RAD23A: variants seen among roughly 807,000 people sequenced by gnomAD.
RAD23A encodes the protein lysine-specific demethylase RAD23A.
RAD23A carries 16 observed loss-of-function variants against 44.8 expected under a neutral mutation model. The observed-to-expected ratio is 0.36, with a 90% confidence interval of 0.24 to 0.54. The LOEUF is 0.54. Ranked by LOEUF, RAD23A falls within the 20% of genes least tolerant of loss-of-function variation. The pLI is 0.89. For synonymous variants in RAD23A, 217 were observed against 202.9 expected (o/e 1.07, Z -0.59); for missense variants, 380 against 483.3 (o/e 0.79, Z 2.00).
chr19:12,952,143 G>A (rs1010538917), intron 7 of RAD23A, among the ~76,000 whole-genome samples: 2 of 152,090 alleles, frequency 1.3e-5, no homozygotes, highest in Non-Finnish European at 2.9e-5. Context: ...GGCTGGTCTC[G>A]AACTCCAGGC....
chr19:12,946,168 C>G, intron 1 of RAD23A, 148 bp downstream of exon 1: 1 of 765,536 alleles, frequency 1.3e-6, no homozygotes, highest in Non-Finnish European at 2.0e-6. Context: ...CTTTCCTGGA[C>G]CCCCCGATGG....
rs769666481 is a variant in RAD23A at position 12,952,977 on chromosome 19, C to G, written c.1020C>G (p.Ala340=). The change falls in exon 9 of 9, where the codon GCC becomes GCG. Residue 340 remains alanine (A), a synonymous_variant. Coordinates refer to ENST00000586534, the MANE Select transcript of RAD23A (RefSeq NM_005053.4). ...TCCCAGAGAGCCTGGTCATCCAGGC[C>G]TATTTCGCGTGTGAAAAAAATGAGA... ...LGFPESLVIQ[A]YFACEKNENL... 6.2e-7 allele frequency: 1 copy of G among 1,614,034 alleles called. No individual in the cohort carries two copies. Among genetic ancestry groups the G allele is most frequent in the South Asian group, 1.1e-5 (1 of 91,084 alleles).
chr19:12,947,636 C>T (rs1050808705), intron 1 of RAD23A, among the ~76,000 whole-genome samples: 2 of 152,154 alleles, frequency 1.3e-5, no homozygotes. Flanking sequence ...CAGCACCTGG[C>T]ACATAATGGG....
intron 1 of RAD23A, among the ~76,000 whole-genome samples, chr19:12,946,939 C>T (rs376644348): frequency 1.3e-5 from 2 of 152,150 alleles, no homozygotes; most frequent in Non-Finnish European, 2.9e-5. Flanking sequence ...TGCTGGCTTC[C>T]GCCTGTAATC....
In RAD23A at chr19:12,953,117, AAT is replaced by A. The variant is rs997952536; in HGVS notation, c.*79_*80del. 1.5e-5 allele frequency: 15 copies of A among 1,014,010 alleles called. No homozygotes were observed. The highest frequency in any genetic ancestry group is 5.4e-5 in the East Asian group (2 of 37,090). The allele number at this position is 1,014,010 out of a possible 1,614,324, so 62.8% of individuals were successfully genotyped here. The stretch of plus-strand genomic sequence containing the variant: ...TCCATGAAAGTTTTATAAAAGAAAA[AAT>A]ATATATATATTCATGTTTATTTAAG... On this transcript the variant is annotated 3_prime_UTR_variant, in exon 9 of 9. Transcript: ENST00000586534.
At chr19:12,950,762 T>C (rs975133004) in intron 7 of RAD23A, among the ~76,000 whole-genome samples, 6 of 152,174 alleles carry the variant, frequency 3.9e-5, no homozygotes, top group South Asian at 2.1e-4. Context: ...GGTAGAGTTA[T>C]ATCAGAGCTT....
chr19:12,952,782 G>C lies in RAD23A; in HGVS notation c.907G>C (p.Ala303Pro). The C allele has an allele frequency of 1.9e-6, 3 of 1,612,814 alleles. No individual in the cohort carries two copies. Among genetic ancestry groups the C allele is most frequent in the Non-Finnish European group, 2.5e-6 (3 of 1,179,568 alleles). ...CTCAGATGTGGAGGGGGAGGTGGGCGCCATAGGAGAGGAGGCCCCGCAGAT... is the reference window on the plus strand; with the variant it reads ...CTCAGATGTGGAGGGGGAGGTGGGCCCCATAGGAGAGGAGGCCCCGCAGAT... ...DISDVEGEVG[A>P]IGEEAPQMNY... Residue 303 changes from alanine to proline, a missense_variant, in exon 8 of 9, where the codon GCC becomes CCC. Coordinates refer to ENST00000586534, the MANE Select transcript of RAD23A (RefSeq NM_005053.4).
In RAD23A at chr19:12,948,231, C is replaced by G. The variant is rs1416940431; in HGVS notation, c.289C>G (p.Pro97Ala). 3 of 1,614,054 alleles carry G rather than the reference C, an allele frequency of 1.9e-6. No individual in the cohort carries two copies. Among genetic ancestry groups the G allele is most frequent in the Middle Eastern group, 1.6e-4 (1 of 6,062 alleles). The change falls in exon 3 of 9, where the codon CCA (proline) becomes GCA (alanine). Residue 97 changes from proline to alanine, a missense_variant. Physicochemically the swap from Pro to Ala is conservative, Grantham distance 27. This residue lies in a region of RAD23A where 279 missense variants were observed against 313.7 expected (regional missense o/e 0.89). Coordinates refer to ENST00000586534, the MANE Select transcript of RAD23A (RefSeq NM_005053.4). The surrounding 1 kb of genome is among the most constrained non-coding windows in gnomAD (Gnocchi z 5.5). ...APPEASPTAA[P>A]ESSTSFPPAP... ...CCCAGAGGCCTCACCCACAGCTGCC[C>G]CAGAGTCCTCTACATCCTTCCCGCC...
intron 7 of RAD23A, chr19:12,952,421 A>T (rs895374256): frequency 2.7e-6 from 1 of 373,466 alleles, no homozygotes; most frequent in Non-Finnish European, 4.9e-6. Flanking sequence ...CGAACTCCTG[A>T]CCTCAAGTGA....
chr19:12,952,900 C>T, intron 8 of RAD23A, 36 bp from the exon 9 acceptor site: 1 of 1,610,938 alleles, frequency 6.2e-7, no homozygotes. Flanking sequence ...AGGACCCCTA[C>T]CCTCTCCTGC....
intron 1 of RAD23A, among the ~76,000 whole-genome samples, 198 bp downstream of exon 1, chr19:12,946,218 C>G (rs1971669797): frequency 6.6e-6 from 1 of 152,214 alleles, no homozygotes. Flanking sequence ...GGCGCTCCTG[C>G]GCCGGTCTCC....
chr19:12,946,985 T>C (rs1971689087), intron 1 of RAD23A, among the ~76,000 whole-genome samples: 1 of 152,154 alleles, frequency 6.6e-6, no homozygotes, highest in Admixed American at 6.6e-5. Context: ...GAGGAGCCCT[T>C]GAGCCTAGGA....
At position 12,948,514 on chromosome 19, in the gene RAD23A, G is replaced by A. The variant is rs141369284; in HGVS notation, c.434G>A (p.Gly145Asp). Reference sequence around the variant, plus strand: ...ATTTGCAGCTCTGTTCCCTCTTCAGGTAGCAGCGGGCGAGAGGAAGACGCG... The same window carrying A: ...ATTTGCAGCTCTGTTCCCTCTTCAGATAGCAGCGGGCGAGAGGAAGACGCG... ...ESVSGSVPSS[G>D]SSGREEDAAS... Residue 145 changes from glycine (G) to aspartate (D), a missense_variant, in exon 4 of 9, where the codon GGT (glycine) becomes GAT (aspartate). Gly to Asp is a moderately conservative substitution (Grantham distance 94). Around this residue, in one of 3 missense-constraint regions of RAD23A, gnomAD observed 279 missense variants for 313.7 expected, o/e 0.89. Coordinates refer to ENST00000586534, the MANE Select transcript of RAD23A (RefSeq NM_005053.4). This position sits in a 1 kb window ranked among gnomAD's most constrained non-coding sequence, Gnocchi z 5.5. The A allele has an allele frequency of 8.6e-4, 1,366 of 1,594,574 alleles. 1 individual carries two copies. Among genetic ancestry groups the A allele is most frequent in the Admixed American group, 1.3e-3 (72 of 56,220 alleles).
At chr19:12,949,648 TTA>T (rs1971754527) in intron 7 of RAD23A, 2 of 561,684 alleles carry the variant, frequency 3.6e-6, no homozygotes, top group Admixed American at 6.2e-5. Context: ...CACCGGAAAC[TTA>T]GAGCAGCCTG....
chr19:12,949,970 C>T (rs968760594), intron 7 of RAD23A, among the ~76,000 whole-genome samples: 3 of 151,890 alleles, frequency 2.0e-5, no homozygotes, highest in Non-Finnish European at 4.4e-5. Flanking sequence ...GACCCTTCTC[C>T]TCTCACTTCT....
rs376187040 is a variant in RAD23A, at chr19:12,947,901, C to T, written c.126C>T (p.Pro42=). Residue 42 remains proline, a synonymous_variant, in exon 2 of 9, where the codon CCC becomes CCT. Coordinates refer to ENST00000586534, the MANE Select transcript of RAD23A (RefSeq NM_005053.4). ...IEAEKGRDAF[P]VAGQKLIYAG... Reference sequence around the variant, plus strand: ...CTGAGAAGGGTCGTGATGCCTTCCCCGTGGCTGGACAGAAACTCATCTATG... The same window carrying T: ...CTGAGAAGGGTCGTGATGCCTTCCCTGTGGCTGGACAGAAACTCATCTATG... The T allele has an allele frequency of 2.0e-5, 33 of 1,613,942 alleles. No homozygotes were observed. Among genetic ancestry groups the T allele is most frequent in the South Asian group, 5.5e-5 (5 of 91,078 alleles).
At chr19:12,946,140 G>C (rs1315557292) in intron 1 of RAD23A, 120 bp downstream of exon 1, 1 of 944,340 alleles carries the variant, frequency 1.1e-6, no homozygotes, top group Non-Finnish European at 1.5e-6. Flanking sequence ...GCCCTGCCCA[G>C]ACCCCCGACC....
At position 12,949,135 on chromosome 19, in the gene RAD23A, T is replaced by C. The variant is rs542397046; in HGVS notation, c.655T>C (p.Ser219Pro). 49 of 1,613,796 alleles carry C rather than the reference T, an allele frequency of 3.0e-5. No individual in the cohort carries two copies. The Admixed American group carries it at 7.8e-4, about 26-fold the overall frequency. Residue 219 changes from serine to proline, a missense_variant, in exon 6 of 9, where the codon TCG becomes CCG. Coordinates refer to ENST00000586534, the MANE Select transcript of RAD23A (RefSeq NM_005053.4). ...EHGSVQESQV[S>P]EQPATEAAGE... ...CGGTTCTGTCCAGGAGAGCCAGGTATCGGAGCAGCCGGCCACGGAAGCAGG... is the reference window on the plus strand; with the variant it reads ...CGGTTCTGTCCAGGAGAGCCAGGTACCGGAGCAGCCGGCCACGGAAGCAGG...
intron 1 of RAD23A, among the ~76,000 whole-genome samples, chr19:12,946,737 C>T (rs955692405): frequency 6.6e-6 from 1 of 152,126 alleles, no homozygotes; most frequent in African/African-American, 2.4e-5. Context: ...AGAATTAGGA[C>T]CTAATTCAAA....
Sources: gnomAD v4.1 joint callset for allele counts (sites outside exome capture counted in the v4.1 genomes callset) on GRCh38, gnomAD v4.1.1 for gene constraint, gnomAD v4.1.1 regional missense constraint, Gnocchi (gnomAD v3.1) non-coding constraint, MANE v1.5 for transcripts, NCBI Gene and HGNC (gene_info 2026-07-23, HGNC 2026-07-21) for gene names.